The following AFF2 variants were observed in gnomAD, a reference collection of about 807,000 sequenced individuals.
AFF2 encodes AF4/FMR2 family member 2.
A neutral mutation model predicts 76.9 loss-of-function variants in AFF2; 14 were observed. The ratio of observed to expected loss-of-function variants is 0.18; its 90% confidence interval spans 0.12 to 0.28. The LOEUF (loss-of-function observed/expected upper bound fraction) is 0.28. Among genes scored for constraint, AFF2 ranks in the 10% least tolerant of loss-of-function variants. The pLI, the probability that AFF2 is intolerant of heterozygous loss-of-function variation, is 1.00. For missense variants in AFF2, 868 were observed against 1,001.1 expected, an observed-to-expected ratio of 0.87 and a Z score of 1.79; for synonymous variants, 398 against 366.7, an observed-to-expected ratio of 1.09 and a Z score of -0.98.
At chrX:148,550,597 C>T (rs932507152) in intron 1 of AFF2, among the ~76,000 whole-genome samples, 7 of 111,344 alleles carry the variant, frequency 6.3e-5, no homozygotes, top group Admixed American at 1.9e-4. Context: ...TTTGACCTTA[C>T]AGTGGTTTGA....
At chrX:148,961,906 C>T (rs1475812383) in intron 12 of AFF2, among the ~76,000 whole-genome samples, 1 of 112,479 alleles carries the variant, frequency 8.9e-6, no homozygotes, top group Non-Finnish European at 1.9e-5. Flanking sequence ...ATCCATGACC[C>T]AATTACCATG....
intron 8 of AFF2, among the ~76,000 whole-genome samples, chrX:148,901,955 A>G (rs1265414): frequency 0.023 from 2,530 of 111,887 alleles, 23 homozygotes; most frequent in Non-Finnish European, 0.035. Flanking sequence ...GAATGATCAC[A>G]AGTTAATTTC....
intron 3 of AFF2, among the ~76,000 whole-genome samples, chrX:148,702,560 A>G (rs1374822004): frequency 8.9e-6 from 1 of 111,767 alleles, no homozygotes; most frequent in Non-Finnish European, 1.9e-5. Context: ...CACCAAGTGA[A>G]TGAATATTTA....
chrX:148,852,149 C>T (rs2070737966), intron 7 of AFF2, among the ~76,000 whole-genome samples: 1 of 111,202 alleles, frequency 9.0e-6, no homozygotes, highest in Admixed American at 9.6e-5. Context: ...AGGTTGATTC[C>T]ATGACTTTGG....
chrX:148,756,610 C>T (rs191442582), intron 3 of AFF2, among the ~76,000 whole-genome samples: 20 of 112,384 alleles, frequency 1.8e-4, no homozygotes, highest in African/African-American at 5.8e-4. Context: ...CATTCATTCA[C>T]CATGTCTAAC....
In AFF2 at chrX:148,719,640, T is replaced by G. The variant is rs530911931; in HGVS notation, c.1041+56872T>G. Reference sequence around the variant, plus strand: ...ATAGGGATAATTATCTCTAACTTACTAAGTGGTCGTGGGGATCAAAACAAA... The same window carrying G: ...ATAGGGATAATTATCTCTAACTTACGAAGTGGTCGTGGGGATCAAAACAAA... On this transcript the variant is annotated intron_variant, in intron 3 of 20. Coordinates refer to ENST00000370460, the MANE Select transcript of AFF2 (RefSeq NM_002025.4). Among the ~76,000 whole-genome samples, 41 of 111,861 alleles carry G rather than the reference T, an allele frequency of 3.7e-4. 2 individuals carry two copies. In the South Asian group the frequency reaches 0.014, roughly 39 times the overall value.
intron 1 of AFF2, among the ~76,000 whole-genome samples, chrX:148,570,649 A>G (rs1371812159): frequency 1.8e-5 from 2 of 111,200 alleles, no homozygotes; most frequent in Non-Finnish European, 3.8e-5. Flanking sequence ...AAAACACCAC[A>G]AATTGGTGTG....
chrX:148,781,307 T>C (rs1243576017), intron 3 of AFF2, among the ~76,000 whole-genome samples: 7 of 112,527 alleles, frequency 6.2e-5, no homozygotes, highest in Non-Finnish European at 1.1e-4. Context: ...CGTTTAAGTC[T>C]GCTGAAGCTG....
At chrX:148,897,591 A>G (rs1047665448) in intron 8 of AFF2, among the ~76,000 whole-genome samples, 2 of 109,070 alleles carry the variant, frequency 1.8e-5, no homozygotes, top group African/African-American at 3.3e-5. Flanking sequence ...ATATTTTATC[A>G]GTATTTCCTG....
At chrX:148,535,705 A>G (rs1403726568) in intron 1 of AFF2, among the ~76,000 whole-genome samples, 1 of 111,572 alleles carries the variant, frequency 9.0e-6, no homozygotes, top group South Asian at 3.8e-4. Flanking sequence ...CACTTTCCCC[A>G]TGGCTATAGC....
chrX:148,653,739 G>A, intron 2 of AFF2, among the ~76,000 whole-genome samples: 2 of 111,636 alleles, frequency 1.8e-5, no homozygotes, highest in East Asian at 5.6e-4. Flanking sequence ...TTATGGAATT[G>A]GGTATCTAAT....
In AFF2 at chrX:148,997,104, A is replaced by G. The variant is rs1557293354; in HGVS notation, c.*5772A>G. ...TTTTTGTTAACATTTGTTTTTAGTTAAAAGTATCTACTTACTGTTTTAGCT... is the reference window on the plus strand; with the variant it reads ...TTTTTGTTAACATTTGTTTTTAGTTGAAAGTATCTACTTACTGTTTTAGCT... On this transcript the variant is annotated 3_prime_UTR_variant, in exon 21 of 21. Transcript: ENST00000370460. 1 of 112,237 alleles carries G rather than the reference A, an allele frequency of 8.9e-6. No individual in the cohort carries two copies. The highest frequency in any genetic ancestry group is 1.9e-5 in the Non-Finnish European group (1 of 53,217). The allele number at this position is 112,237 out of a possible 1,213,427, so 9.2% of individuals were successfully genotyped here.
intron 1 of AFF2, among the ~76,000 whole-genome samples, chrX:148,521,619 A>G (rs979998336): frequency 8.9e-6 from 1 of 111,943 alleles, no homozygotes; most frequent in Non-Finnish European, 1.9e-5. Flanking sequence ...AAGGATTTCT[A>G]TATGTCAATA....
intron 1 of AFF2, among the ~76,000 whole-genome samples, chrX:148,521,964 A>G (rs1557234570): frequency 8.9e-6 from 1 of 111,962 alleles, no homozygotes; most frequent in Non-Finnish European, 1.9e-5. Context: ...AGGGCAATCA[A>G]CAGGGGCAGA....
intron 1 of AFF2, among the ~76,000 whole-genome samples, chrX:148,548,945 G>A (rs1433965204): frequency 1.2e-4 from 13 of 112,047 alleles, no homozygotes; most frequent in Non-Finnish European, 1.7e-4. Flanking sequence ...AATATCATCC[G>A]TCATGAAAAT....
intron 3 of AFF2, among the ~76,000 whole-genome samples, chrX:148,761,276 C>A (rs2069436659): frequency 9.0e-6 from 1 of 110,800 alleles, no homozygotes; most frequent in African/African-American, 3.3e-5. Context: ...ATTTTTCTTT[C>A]TTTTTTTATT....
At chrX:148,686,183 A>C (rs782079788) in intron 3 of AFF2, among the ~76,000 whole-genome samples, 53 of 112,180 alleles carry the variant, frequency 4.7e-4, no homozygotes, top group Non-Finnish European at 8.8e-4. Context: ...AAAATGTTGC[A>C]TCTCATTAAT....
intron 2 of AFF2, among the ~76,000 whole-genome samples, chrX:148,661,203 C>T (rs1557257667): frequency 1.8e-5 from 2 of 112,416 alleles, no homozygotes. Context: ...CACAGAAGGG[C>T]TTGAGTCACT....
intron 1 of AFF2, among the ~76,000 whole-genome samples, chrX:148,555,512 G>T (rs893568544): frequency 8.9e-6 from 1 of 111,924 alleles, no homozygotes; most frequent in African/African-American, 3.2e-5. Context: ...CCCTGATAAG[G>T]CCAGTTTCCG....
Sources: allele counts gnomAD v4.1 joint callset (sites outside exome capture counted in the v4.1 genomes callset), GRCh38; gene constraint gnomAD v4.1.1; transcripts MANE v1.5; gene names NCBI Gene and HGNC (gene_info 2026-07-23, HGNC 2026-07-21).